Variants in SNX30 observed in about 807,000 individuals in gnomAD.
The protein encoded by SNX30 is sorting nexin family member 30, also known as sorting nexin-30.
A neutral mutation model predicts 46.4 loss-of-function variants in SNX30; 24 were observed. The ratio of observed to expected loss-of-function variants is 0.52; its 90% CI spans 0.37 to 0.73. SNX30 has a LOEUF of 0.73. Among genes scored for constraint, SNX30 ranks in the 30% least tolerant of loss-of-function variants. SNX30 has a pLI of 0.00. For missense variants in SNX30, 533 were observed against 555.7 expected, an observed-to-expected ratio of 0.96 and a Z score of 0.41; for synonymous variants, 189 against 211.5, an observed-to-expected ratio of 0.89 and a Z score of 0.92.
intron 6 of SNX30, among the ~76,000 whole-genome samples, chr9:112,843,776 G>A (rs533092950): frequency 9.3e-4 from 142 of 151,972 alleles, no homozygotes; most frequent in African/African-American, 2.9e-3. Context: ...CACCACGCCC[G>A]GCTAATTTTT....
At chr9:112,808,948 G>A (rs1840273946) in intron 2 of SNX30, among the ~76,000 whole-genome samples, 1 of 152,164 alleles carries the variant, frequency 6.6e-6, no homozygotes, top group South Asian at 2.1e-4. Context: ...TTACAAATGA[G>A]AAAATTGAGA....
intron 6 of SNX30, among the ~76,000 whole-genome samples, chr9:112,847,189 T>C (rs1172388433): frequency 6.6e-6 from 1 of 152,236 alleles, no homozygotes; most frequent in Non-Finnish European, 1.5e-5. Context: ...GCCTTTTTAT[T>C]ATAGAAAAAT....
chr9:112,884,741 G>A (rs763714273), downstream of SNX30, among the ~76,000 whole-genome samples: 2 of 152,176 alleles, frequency 1.3e-5, no homozygotes, highest in Non-Finnish European at 2.9e-5. Flanking sequence ...TTGCTTACTT[G>A]TATCTTCCCA....
intron 4 of SNX30, among the ~76,000 whole-genome samples, chr9:112,834,262 A>G (rs2131451438): frequency 6.6e-6 from 1 of 152,178 alleles, no homozygotes; most frequent in South Asian, 2.1e-4. Flanking sequence ...ACATAGCATC[A>G]GATCCCACAG....
chr9:112,856,462 T>G, intron 7 of SNX30, among the ~76,000 whole-genome samples: 7 of 138,412 alleles, frequency 5.1e-5, no homozygotes, highest in African/African-American at 1.1e-4. Flanking sequence ...TGGGGGAGCA[T>G]GGGTGTGGAG....
At chr9:112,781,523 C>T (rs374166698) in intron 1 of SNX30, among the ~76,000 whole-genome samples, 7 of 152,224 alleles carry the variant, frequency 4.6e-5, no homozygotes, top group Admixed American at 2.0e-4. Context: ...TACTATTCAT[C>T]GAAATCAGAA....
intron 7 of SNX30, among the ~76,000 whole-genome samples, chr9:112,853,289 C>A (rs1841063394): frequency 6.6e-6 from 1 of 152,220 alleles, no homozygotes; most frequent in Non-Finnish European, 1.5e-5. Flanking sequence ...CTGCCACAGG[C>A]TGTCAGCCTT....
intron 1 of SNX30, among the ~76,000 whole-genome samples, chr9:112,752,644 C>T (rs919317578): frequency 5.9e-5 from 9 of 152,156 alleles, no homozygotes; most frequent in African/African-American, 1.4e-4. Flanking sequence ...GCTTTCTTAT[C>T]GACAAAAATT....
At chr9:112,790,665 T>C (rs1840005058) in intron 1 of SNX30, among the ~76,000 whole-genome samples, 1 of 152,188 alleles carries the variant, frequency 6.6e-6, no homozygotes, top group African/African-American at 2.4e-5. Context: ...GAATATATGA[T>C]CCTTTTAAAG....
downstream of SNX30, among the ~76,000 whole-genome samples, chr9:112,884,455 T>C (rs1484835319): frequency 6.6e-6 from 1 of 152,232 alleles, no homozygotes; most frequent in Non-Finnish European, 1.5e-5. Context: ...CTCGTTTCTT[T>C]AGTGACTTTG....
At chr9:112,822,206 G>A (rs1174806708) in intron 3 of SNX30, among the ~76,000 whole-genome samples, 1 of 152,148 alleles carries the variant, frequency 6.6e-6, no homozygotes, top group African/African-American at 2.4e-5. Flanking sequence ...GAGCCACCGC[G>A]CCTGGCCAAG....
chr9:112,793,064 G>T (rs76136000), intron 1 of SNX30, among the ~76,000 whole-genome samples: 3,897 of 152,082 alleles, frequency 0.026, 166 homozygotes, highest in African/African-American at 0.085. Context: ...TGTTTTTATG[G>T]TTTACTTGCC....
intron 7 of SNX30, among the ~76,000 whole-genome samples, chr9:112,859,482 C>T (rs1050407127): frequency 7.9e-5 from 12 of 152,162 alleles, no homozygotes; most frequent in African/African-American, 2.9e-4. Context: ...GAAGTGGAAT[C>T]CAGCAGGATC....
Position 112,812,028 on chromosome 9 carries a change from C to G in SNX30, c.349-5677C>G, listed in dbSNP as rs79797615. ...TCTCCAGAAATTCCAAGTAGTGTCTCTGGCCCAGTTTCAGCTGGTGTGCAG... is the reference window on the plus strand; with the variant it reads ...TCTCCAGAAATTCCAAGTAGTGTCTGTGGCCCAGTTTCAGCTGGTGTGCAG... On this transcript the variant is annotated intron_variant, in intron 2 of 8. Transcript: ENST00000374232. Among the ~76,000 whole-genome samples the G allele has an allele frequency of 3.4e-3, 517 of 152,296 alleles. 3 individuals carry two copies. Among genetic ancestry groups the G allele is most frequent in the African/African-American group, 0.012 (504 of 41,566 alleles).
rs567309372 is a variant in SNX30, at chr9:112,833,805, C to G, written c.619-2409C>G. ...GGCTTCAGTTATAGTCTTGTGAAGG[C>G]CTTGTGCCTTTGAGGATGTTTCTTG... On this transcript the variant is annotated intron_variant, in intron 4 of 8. Transcript: ENST00000374232. Among the ~76,000 whole-genome samples, 103 of 152,208 alleles carry G rather than the reference C, an allele frequency of 6.8e-4. 1 individual carries two copies. Among genetic ancestry groups the G allele is most frequent in the Non-Finnish European group, 1.4e-3 (94 of 67,998 alleles).
At chr9:112,791,800 A>G (rs1840029641) in intron 1 of SNX30, among the ~76,000 whole-genome samples, 1 of 152,156 alleles carries the variant, frequency 6.6e-6, no homozygotes, top group African/African-American at 2.4e-5. Flanking sequence ...GTAGTTTTGG[A>G]CATGAGTATC....
At chr9:112,867,346 C>CCT (rs1319712956) in intron 8 of SNX30, among the ~76,000 whole-genome samples, 3 of 149,050 alleles carry the variant, frequency 2.0e-5, no homozygotes, top group East Asian at 2.0e-4. Flanking sequence ...CCTCAGAACT[C>CCT]TTCCCACCTC....
chr9:112,860,094 CA>C (rs1330854645), intron 7 of SNX30, among the ~76,000 whole-genome samples: 1 of 152,072 alleles, frequency 6.6e-6, no homozygotes, highest in Non-Finnish European at 1.5e-5. Context: ...TACAGGAGCA[CA>C]CCACCATGCC....
chr9:112,868,659 C>A, intron 8 of SNX30, 125 bp from the exon 9 acceptor site: 1 of 911,394 alleles, frequency 1.1e-6, no homozygotes, highest in East Asian at 2.4e-5. Flanking sequence ...ATGACACATG[C>A]AGGCATCATT....
Sources: gnomAD v4.1 joint callset for allele counts (sites outside exome capture counted in the v4.1 genomes callset) on GRCh38, gnomAD v4.1.1 for gene constraint, MANE v1.5 for transcripts, NCBI Gene and HGNC (gene_info 2026-07-23, HGNC 2026-07-21) for gene names.